ZNF765: variants seen among roughly 807,000 people sequenced by gnomAD.
ZNF765 encodes zinc finger protein 765.
In ZNF765, 37 loss-of-function variants were observed where a neutral mutation model predicts 44.7. The ratio of observed to expected loss-of-function variants is 0.83; its 90% CI spans 0.64 to 1.09. ZNF765 has a LOEUF of 1.09. Ranked by LOEUF, ZNF765 falls within the 50% of genes least tolerant of loss-of-function variation. The pLI, the probability that ZNF765 is intolerant of heterozygous loss-of-function variation, is 0.00. For missense variants in ZNF765, 594 were observed against 626.1 expected (o/e 0.95, Z 0.55); for synonymous variants, 201 against 213.7 (o/e 0.94, Z 0.52).
At position 53,399,975 on chromosome 19, in the gene ZNF765, T is replaced by G. The variant is rs142377612; in HGVS notation, c.15+1945T>G. On this transcript the variant is annotated intron_variant, in intron 2 of 3. Transcript: ENST00000396408. The stretch of plus-strand genomic sequence containing the variant: ...AATTACAGGGGCCTGCTACCATGCC[T>G]TGATAATTTTTGTATTTTTAGTAGA... 4.2e-3 allele frequency among the ~76,000 whole-genome samples: 639 copies of G among 152,110 alleles called. 4 individuals are homozygous for G. The highest frequency in any genetic ancestry group is 0.015 in the African/African-American group (613 of 41,512).
In ZNF765 at chr19:53,402,172, T is replaced by C. The variant is rs1471173609; in HGVS notation, c.123T>C (p.Tyr41=). The C allele has an allele frequency of 2.5e-6, 4 of 1,613,522 alleles. No individual in the cohort carries two copies. In the South Asian group the frequency reaches 3.3e-5, roughly 13 times the overall value. Residue 41 remains tyrosine, a synonymous_variant, in exon 3 of 4, where the codon TAT becomes TAC. Coordinates refer to ENST00000396408, the MANE Select transcript of ZNF765 (RefSeq NM_001040185.3). ...TLYRDVMLEN[Y]RNLVSLDISS... Reference sequence around the variant, plus strand: ...ACAGGGACGTGATGCTGGAGAATTATAGGAACCTGGTCTCCCTGGGTGAGG... The same window carrying C: ...ACAGGGACGTGATGCTGGAGAATTACAGGAACCTGGTCTCCCTGGGTGAGG...
At chr19:53,398,746 G>C (rs533634588) in intron 2 of ZNF765, among the ~76,000 whole-genome samples, 1 of 152,022 alleles carries the variant, frequency 6.6e-6, no homozygotes, top group Admixed American at 6.6e-5. Flanking sequence ...ATTATATTAT[G>C]ATAATATTAT....
chr19:53,404,983 C>T (rs189132017), intron 3 of ZNF765, among the ~76,000 whole-genome samples: 1 of 152,246 alleles, frequency 6.6e-6, no homozygotes, highest in East Asian at 1.9e-4. Flanking sequence ...TTTGGGATGC[C>T]AAGGTGGGCA....
At position 53,408,781 on chromosome 19, in the gene ZNF765, A is replaced by C. The variant is rs372703157; in HGVS notation, c.1226A>C (p.Lys409Thr). ...TYHRRLHTEE[K>T]PYKCNECGKT... The stretch of plus-strand genomic sequence containing the variant: ...CATCGTAGACTTCATACTGAAGAGA[A>C]ACCTTACAAGTGTAATGAGTGTGGC... Residue 409 changes from lysine (K) to threonine (T), a missense_variant, in exon 4 of 4, where the codon AAA becomes ACA. Transcript: ENST00000396408. 5.6e-6 allele frequency: 9 copies of C among 1,614,184 alleles called. No homozygotes were observed. The highest frequency in any genetic ancestry group is 7.6e-6 in the Non-Finnish European group (9 of 1,180,020).
At position 53,397,957 on chromosome 19, in the gene ZNF765, G is replaced by C. The variant is rs1182982300; in HGVS notation, c.-59G>C. On this transcript the variant is annotated 5_prime_UTR_variant, in exon 2 of 4. Coordinates refer to ENST00000396408, the MANE Select transcript of ZNF765 (RefSeq NM_001040185.3). ...CTAACATTCAGGATTGACTTCTAAA[G>C]ACTCTTGGTATGTGAGGAAGAAACC... The C allele has an allele frequency of 4.4e-6, 7 of 1,608,856 alleles. No individual in the cohort carries two copies. Among genetic ancestry groups the C allele is most frequent in the Non-Finnish European group, 5.9e-6 (7 of 1,179,012 alleles).
rs2085920030 is a variant in ZNF765 at position 53,423,486 on chromosome 19, C to A, written c.*384C>A. 8.8e-6 allele frequency: 4 copies of A among 456,554 alleles called. No homozygotes were observed. In the Admixed American group the frequency reaches 1.1e-4, roughly 13 times the overall value. The allele number at this position is 456,554 out of a possible 1,614,324, so 28.3% of individuals were successfully genotyped here. A position where few individuals can be genotyped will look rare whatever the true frequency, so the allele number is the denominator to read the frequency against. On this transcript the variant is annotated 3_prime_UTR_variant, in exon 4 of 4. Transcript: ENST00000594030. ...ACATCCTCCCCTGAGTCCGGAGCTA[C>A]CAAAACCATCCTCCTGGTGAGCACG...
At chr19:53,405,948 TATAA>T (rs1466988366) in intron 3 of ZNF765, among the ~76,000 whole-genome samples, 12 of 123,586 alleles carry the variant, frequency 9.7e-5, no homozygotes, top group African/African-American at 3.2e-4. Context: ...TATATATATA[TATAA>T]AATTGCTGTA....
exon 4 of ZNF765, chr19:53,424,845 G>A (rs2085929597): frequency 1.3e-5 from 2 of 151,954 alleles, no homozygotes; most frequent in Admixed American, 1.3e-4. Flanking sequence ...GTATTTTTTA[G>A]TAGAGACGGG....
chr19:53,425,625 C>T (rs188420780), exon 4 of ZNF765: 1 of 152,092 alleles, frequency 6.6e-6, no homozygotes, highest in East Asian at 2.0e-4. Context: ...AACTCTTTTA[C>T]TCCTGTTGCA....
chr19:53,395,653 T>A (rs1016045330), intron 1 of ZNF765, among the ~76,000 whole-genome samples: 1 of 152,130 alleles, frequency 6.6e-6, no homozygotes, highest in African/African-American at 2.4e-5. Context: ...CGCCGCCGCC[T>A]CCCTCCTTTT....
chr19:53,396,898 T>C (rs1275103166), intron 1 of ZNF765, among the ~76,000 whole-genome samples: 1 of 152,244 alleles, frequency 6.6e-6, no homozygotes, highest in Non-Finnish European at 1.5e-5. Context: ...AGGCACAGGC[T>C]GATATTTATA....
At chr19:53,413,687 G>C (rs2085850629), downstream of ZNF765, among the ~76,000 whole-genome samples, 1 of 149,580 alleles carries the variant, frequency 6.7e-6, no homozygotes, top group Non-Finnish European at 1.5e-5. Context: ...GAGAGGATTG[G>C]CTGAGACCAG....
In ZNF765 at chr19:53,408,553, G is replaced by T. The variant is rs1238340029; in HGVS notation, c.998G>T (p.Gly333Val). Residue 333 changes from glycine (G) to valine (V), a missense_variant, in exon 4 of 4, where the codon GGC becomes GTC. Gly to Val is a moderately radical substitution (Grantham distance 109). Transcript: ENST00000396408. Reference sequence around the variant, plus strand: ...AAACCGTACAAGTGTAATGAGTGTGGCAAGACCTTTAGTCAGAAGTCGTAC... The same window carrying T: ...AAACCGTACAAGTGTAATGAGTGTGTCAAGACCTTTAGTCAGAAGTCGTAC... ...GEKPYKCNEC[G>V]KTFSQKSYLT... is the part of the protein sequence containing the mutation. 6.2e-7 allele frequency: 1 copy of T among 1,611,948 alleles called. No individual in the cohort carries two copies. Among genetic ancestry groups the T allele is most frequent in the African/African-American group, 1.3e-5 (1 of 74,714 alleles).
chr19:53,412,839 A>T (rs2085843849), downstream of ZNF765, among the ~76,000 whole-genome samples: 1 of 152,150 alleles, frequency 6.6e-6, no homozygotes, highest in Admixed American at 6.5e-5. Context: ...TTACAAAAAA[A>T]AATTAACCTT....
At chr19:53,414,477 ACACACACACACACCCCCCCCC>A (rs2085860488), downstream of ZNF765, among the ~76,000 whole-genome samples, 3 of 10,524 alleles carry the variant, frequency 2.9e-4, 1 homozygote, top group African/African-American at 7.9e-4. Context: ...ACACACACAC[ACACACACACACACCCCCCCCC>A]CCCCCCCCCC....
chr19:53,410,554 T>C lies in ZNF765; in HGVS notation c.*1427T>C. Reference sequence around the variant, plus strand: ...CTTTAGTGGGCAGTCAACACTTGTTTACCATCAGGCAATCCATGGTGTAGG... The same window carrying C: ...CTTTAGTGGGCAGTCAACACTTGTTCACCATCAGGCAATCCATGGTGTAGG... On this transcript the variant is annotated 3_prime_UTR_variant, in exon 4 of 4. Transcript: ENST00000396408. 2 of 421,872 alleles carry C rather than the reference T, an allele frequency of 4.7e-6. No homozygotes were observed. The highest frequency in any genetic ancestry group is 9.5e-6 in the Non-Finnish European group (2 of 210,170). The allele number at this position is 421,872 out of a possible 1,614,324, so 26.1% of individuals were successfully genotyped here.
chr19:53,406,789 C>G (rs1039635539), intron 3 of ZNF765, among the ~76,000 whole-genome samples: 1 of 152,080 alleles, frequency 6.6e-6, no homozygotes, highest in Admixed American at 6.6e-5. Flanking sequence ...GTAGTGTGTG[C>G]GTGTAATCCC....
chr19:53,418,650 A>G (rs1464510485), intron 3 of ZNF765, among the ~76,000 whole-genome samples: 1 of 151,802 alleles, frequency 6.6e-6, no homozygotes, highest in African/African-American at 2.4e-5. Context: ...TAATCCTAAC[A>G]CTTTGGGAGG....
intron 3 of ZNF765, among the ~76,000 whole-genome samples, chr19:53,403,017 A>T (rs952078955): frequency 1.3e-5 from 2 of 152,106 alleles, no homozygotes; most frequent in Non-Finnish European, 2.9e-5. Flanking sequence ...TCTACTAAAA[A>T]TACAAAAATT....
Sources: allele counts gnomAD v4.1 joint callset (sites outside exome capture counted in the v4.1 genomes callset), GRCh38; gene constraint gnomAD v4.1.1; transcripts MANE v1.5; gene names NCBI Gene and HGNC (gene_info 2026-07-23, HGNC 2026-07-21).